The following HSPA12A variants were observed in gnomAD, a reference collection of about 807,000 sequenced individuals.
HSPA12A encodes the protein heat shock protein family A (Hsp70) member 12A.
HSPA12A carries 28 observed loss-of-function variants against 69.2 expected under a neutral mutation model. The observed-to-expected ratio is 0.40, with a 90% CI of 0.30 to 0.55. The LOEUF (loss-of-function observed/expected upper bound fraction) is 0.55, where lower values mean the gene tolerates loss of function less well. Ranked by LOEUF, HSPA12A falls within the 20% of genes least tolerant of loss-of-function variation. The pLI, the probability that HSPA12A is intolerant of heterozygous loss-of-function variation, is 0.38. For missense variants in HSPA12A, 686 were observed against 900.7 expected, an observed-to-expected ratio of 0.76 and a Z score of 3.05; for synonymous variants, 345 against 370.5, an observed-to-expected ratio of 0.93 and a Z score of 0.79.
At chr10:116,780,196 A>G (rs931393346) in intron 2 of HSPA12A, among the ~76,000 whole-genome samples, 5 of 152,152 alleles carry the variant, frequency 3.3e-5, no homozygotes, top group African/African-American at 1.2e-4. Flanking sequence ...GAGCTAGTCT[A>G]AGATCACAAG....
rs183368458 is a variant in HSPA12A at position 116,692,552 on chromosome 10, T to A, written c.547-85A>T. 1.1e-5 allele frequency: 11 copies of A among 1,010,088 alleles called. No individual in the cohort carries two copies. The Admixed American group carries it at 1.4e-4, about 13-fold the overall frequency. The allele number at this position is 1,010,088 out of a possible 1,614,324, so 62.6% of individuals were successfully genotyped here. ...CCTGTGGCTTCACTGAACCCAGGCT[T>A]CCTGCCATGAGCTCTTCAGGAGCCA... On this transcript the variant is annotated intron_variant, in intron 5 of 11. Coordinates refer to ENST00000369209, the MANE Select transcript of HSPA12A (RefSeq NM_025015.3).
chr10:116,768,557 C>T (rs920174464), intron 2 of HSPA12A, among the ~76,000 whole-genome samples: 7 of 152,170 alleles, frequency 4.6e-5, no homozygotes, highest in East Asian at 1.9e-4. Flanking sequence ...CCTCCACTCC[C>T]GGCTGGAGAG....
At chr10:116,687,358 T>C (rs1849604180) in intron 6 of HSPA12A, among the ~76,000 whole-genome samples, 1 of 152,174 alleles carries the variant, frequency 6.6e-6, no homozygotes, top group Non-Finnish European at 1.5e-5. Flanking sequence ...AGGCAGTGTC[T>C]GGGAGGCCTC....
upstream of HSPA12A, among the ~76,000 whole-genome samples, chr10:116,743,829 CA>C (rs1266413445): frequency 6.6e-6 from 1 of 152,218 alleles, no homozygotes; most frequent in African/African-American, 2.4e-5. Context: ...TTAAAAATCC[CA>C]AATGGACAGT....
chr10:116,700,871 C>A, intron 4 of HSPA12A, 72 bp downstream of exon 4: 1 of 1,502,640 alleles, frequency 6.7e-7, no homozygotes, highest in South Asian at 1.2e-5. Flanking sequence ...ACATCCCTTC[C>A]CCACCCCAAG....
Position 116,674,765 on chromosome 10 carries a change from C to T in HSPA12A, c.*16G>A, listed in dbSNP as rs782100965. 1.3e-6 allele frequency: 2 copies of T among 1,591,604 alleles called. No individual in the cohort carries two copies. Among genetic ancestry groups the T allele is most frequent in the South Asian group, 1.1e-5 (1 of 89,862 alleles). ...GATAAGTTGAGTCCAAGGGGACAGGCAGCGGGGCGGGAGGGTTAGTAATTT... is the reference window on the plus strand; with the variant it reads ...GATAAGTTGAGTCCAAGGGGACAGGTAGCGGGGCGGGAGGGTTAGTAATTT... On this transcript the variant is annotated 3_prime_UTR_variant, in exon 12 of 12. Coordinates refer to ENST00000369209, the MANE Select transcript of HSPA12A (RefSeq NM_025015.3).
chr10:116,799,334 G>C (rs551146174), intron 2 of HSPA12A, among the ~76,000 whole-genome samples: 2 of 152,244 alleles, frequency 1.3e-5, no homozygotes, highest in South Asian at 2.1e-4. Context: ...AGCTTCTTTG[G>C]TTTCTTCTAC....
intron 2 of HSPA12A, among the ~76,000 whole-genome samples, chr10:116,760,532 C>A (rs1554889174): frequency 6.6e-6 from 1 of 152,212 alleles, no homozygotes; most frequent in African/African-American, 2.4e-5. Context: ...GGAAAGAAAA[C>A]ACATGAATGT....
chr10:116,736,806 G>A (rs1292620818), intron 1 of HSPA12A, among the ~76,000 whole-genome samples: 1 of 152,152 alleles, frequency 6.6e-6, no homozygotes, highest in Non-Finnish European at 1.5e-5. Flanking sequence ...ACCCATTTTG[G>A]ACTTATTCCT....
At chr10:116,734,964 C>A in intron 1 of HSPA12A, among the ~76,000 whole-genome samples, 1 of 152,144 alleles carries the variant, frequency 6.6e-6, no homozygotes, top group Admixed American at 6.5e-5. Context: ...TGCACTCCAG[C>A]CTGAGCGACA....
intron 1 of HSPA12A, chr10:116,849,446 G>C: frequency 7.5e-7 from 1 of 1,334,058 alleles, no homozygotes; most frequent in Non-Finnish European, 9.9e-7. Flanking sequence ...ACCGCAGGAA[G>C]AACCTAGGCC....
At chr10:116,747,828 G>A (rs550565088) in intron 2 of HSPA12A, among the ~76,000 whole-genome samples, 22 of 151,810 alleles carry the variant, frequency 1.4e-4, no homozygotes, top group Admixed American at 9.2e-4. Flanking sequence ...GTGAAACCCC[G>A]TCTCTACTAA....
chr10:116,829,964 G>A (rs1323769152), intron 2 of HSPA12A: 1 of 152,214 alleles, frequency 6.6e-6, no homozygotes, highest in Non-Finnish European at 1.5e-5. Flanking sequence ...CATTCCGGGA[G>A]GGCGTTATGG....
upstream of HSPA12A, chr10:116,850,141 A>G: frequency 3.6e-6 from 1 of 275,818 alleles, no homozygotes; most frequent in Non-Finnish European, 7.1e-6. Context: ...CTCTTTGATC[A>G]CAGGATGAAC....
Position 116,686,935 on chromosome 10 carries a change from C to T in HSPA12A, c.664-2973G>A, listed in dbSNP as rs559906850. Among the ~76,000 whole-genome samples the T allele has an allele frequency of 6.6e-6, 1 of 152,120 alleles. No individual in the cohort carries two copies. The highest frequency in any genetic ancestry group is 1.5e-5 in the Non-Finnish European group (1 of 68,034). Reference sequence around the variant, plus strand: ...TGCCCCCATCTCTCTACCCACACTACCCCTGAAATTCTGAGCAGGAACTCT... The same window carrying T: ...TGCCCCCATCTCTCTACCCACACTATCCCTGAAATTCTGAGCAGGAACTCT... On this transcript the variant is annotated intron_variant, in intron 6 of 11. Coordinates refer to ENST00000369209, the MANE Select transcript of HSPA12A (RefSeq NM_025015.3). This position sits in a 1 kb window ranked among gnomAD's most constrained non-coding sequence, Gnocchi z 4.1.
intron 2 of HSPA12A, among the ~76,000 whole-genome samples, chr10:116,833,598 C>G (rs1002429133): frequency 2.0e-5 from 3 of 152,152 alleles, no homozygotes; most frequent in Non-Finnish European, 4.4e-5. Flanking sequence ...TCCCGAAAAA[C>G]CAATTCAGAT....
At chr10:116,769,080 C>T (rs1844141520) in intron 2 of HSPA12A, among the ~76,000 whole-genome samples, 1 of 152,198 alleles carries the variant, frequency 6.6e-6, no homozygotes. Context: ...CAGTGAGACA[C>T]AAACATCGGA....
intron 1 of HSPA12A, among the ~76,000 whole-genome samples, chr10:116,843,035 G>A (rs545605136): frequency 2.6e-5 from 4 of 152,304 alleles, no homozygotes; most frequent in East Asian, 3.9e-4. Flanking sequence ...ACTGCCAGCA[G>A]TAGCATCTTC....
chr10:116,683,673 C>T (rs781861635), intron 7 of HSPA12A, 118 bp downstream of exon 7: 21 of 1,078,072 alleles, frequency 1.9e-5, no homozygotes, highest in Admixed American at 2.8e-5. Context: ...CACCTCCTCC[C>T]GGAGTATCCT....
Sources: allele counts gnomAD v4.1 joint callset (sites outside exome capture counted in the v4.1 genomes callset), GRCh38; gene constraint gnomAD v4.1.1; non-coding constraint Gnocchi (gnomAD v3.1); transcripts MANE v1.5; gene names NCBI Gene and HGNC (gene_info 2026-07-23, HGNC 2026-07-21).